ADAMTS7: variants seen among roughly 807,000 people sequenced by gnomAD.
ADAMTS7 encodes ADAM metallopeptidase with thrombospondin type 1 motif 7.
Under a neutral mutation model 172.6 loss-of-function variants are expected in ADAMTS7, and 89 were observed. The observed-to-expected ratio is 0.52, with a 90% confidence interval of 0.43 to 0.61. The LOEUF is 0.61. Ranked by LOEUF, ADAMTS7 falls within the 20% of genes least tolerant of loss-of-function variation. ADAMTS7 has a pLI of 0.00. For synonymous variants in ADAMTS7, 885 were observed against 978.4 expected (o/e 0.90, Z 1.78); for missense variants, 1,973 against 2,355.6 (o/e 0.84, Z 3.36).
At chr15:78,802,157 A>G (rs1196978634) in intron 1 of ADAMTS7, among the ~76,000 whole-genome samples, 2 of 152,126 alleles carry the variant, frequency 1.3e-5, no homozygotes, top group Non-Finnish European at 2.9e-5. Context: ...TTTGTTAAAG[A>G]TTTAAGTGTT....
intron 3 of ADAMTS7, among the ~76,000 whole-genome samples, chr15:78,797,179 C>T (rs1596198067): frequency 6.6e-6 from 1 of 152,346 alleles, no homozygotes; most frequent in East Asian, 1.9e-4. Flanking sequence ...TGCATCCCAA[C>T]ACAGGCTGAC....
At position 78,768,155 on chromosome 15, in the gene ADAMTS7, T is replaced by A. The variant is rs1199290064; in HGVS notation, c.2623A>T (p.Ser875Cys). 6.2e-7 allele frequency: 1 copy of A among 1,603,022 alleles called. No homozygotes were observed. The highest frequency in any genetic ancestry group is 2.2e-5 in the East Asian group (1 of 44,560). The change falls in exon 17 of 24, where the codon AGC becomes TGC. Residue 875 changes from serine (S) to cysteine (C), a missense_variant. Around this residue, in one of 8 missense-constraint regions of ADAMTS7, gnomAD observed 771 missense variants for 952.6 expected, o/e 0.81. Transcript: ENST00000388820. ...GRPDDQQRKC[S>C]EQPCPARWWA... ...CACCTGGCAGGGCAGGGCTGCTCGC[T>A]GCACTTCCTCTGTTGGTCATCAGGC...
At chr15:78,807,018 C>T (rs1368083907) in intron 1 of ADAMTS7, among the ~76,000 whole-genome samples, 2 of 152,250 alleles carry the variant, frequency 1.3e-5, no homozygotes, top group Non-Finnish European at 2.9e-5. Context: ...CCACCCGCCT[C>T]AGCCTCCCAA....
chr15:78,809,892 T>TAAGA (rs2055842419), intron 1 of ADAMTS7, among the ~76,000 whole-genome samples: 1 of 152,230 alleles, frequency 6.6e-6, no homozygotes, highest in African/African-American at 2.4e-5. Context: ...TGATGAGAAA[T>TAAGA]AAGAACCCGT....
intron 8 of ADAMTS7, 133 bp from the exon 9 acceptor site, chr15:78,777,721 C>T: frequency 8.4e-7 from 1 of 1,193,606 alleles, no homozygotes; most frequent in South Asian, 1.6e-5. Flanking sequence ...TCCAGCCTCC[C>T]CGCTCGGCTC....
chr15:78,787,582 T>G (rs1404995953), intron 8 of ADAMTS7, among the ~76,000 whole-genome samples: 4 of 152,184 alleles, frequency 2.6e-5, no homozygotes, highest in Admixed American at 6.5e-5. Context: ...GAGAATCGCT[T>G]GAACCCGGGA....
chr15:78,759,677 C>T (rs2055010784), intron 23 of ADAMTS7, 99 bp from the exon 24 acceptor site: 2 of 1,343,604 alleles, frequency 1.5e-6, no homozygotes, highest in African/African-American at 1.5e-5. Context: ...CAGCAGCTCC[C>T]CACCAAGCAG....
intron 23 of ADAMTS7, among the ~76,000 whole-genome samples, chr15:78,760,231 T>C (rs2055021344): frequency 6.6e-6 from 1 of 152,182 alleles, no homozygotes; most frequent in African/African-American, 2.4e-5. Flanking sequence ...CAGGCTGTGC[T>C]TGTCAGGGCT....
chr15:78,759,818 G>A (rs567086545), intron 23 of ADAMTS7, among the ~76,000 whole-genome samples: 115 of 152,292 alleles, frequency 7.6e-4, no homozygotes, highest in African/African-American at 2.6e-3. Flanking sequence ...GTTTCTGGAG[G>A]AAAGGTCCTG....
rs769031662 is a variant in ADAMTS7 at position 78,768,147 on chromosome 15, C to A, written c.2631G>T (p.Gln877His). The A allele has an allele frequency of 1.4e-5, 22 of 1,578,630 alleles. No homozygotes were observed. The highest frequency in any genetic ancestry group is 1.6e-5 in the Non-Finnish European group (19 of 1,165,294). ...PDDQQRKCSE[Q>H]PCPARWWAGE... The stretch of plus-strand genomic sequence containing the variant: ...GGCGGGCTCACCTGGCAGGGCAGGG[C>A]TGCTCGCTGCACTTCCTCTGTTGGT... The change falls in exon 17 of 24, where the codon CAG becomes CAT. Residue 877 changes from glutamine (Q) to histidine (H), a missense_variant. Physicochemically the swap from Gln to His is conservative, Grantham distance 24. Around this residue, in one of 8 missense-constraint regions of ADAMTS7, gnomAD observed 771 missense variants for 952.6 expected, o/e 0.81. Coordinates refer to ENST00000388820, the MANE Select transcript of ADAMTS7 (RefSeq NM_014272.5).
At position 78,808,152 on chromosome 15, in the gene ADAMTS7, G is replaced by C. The variant is rs140096721; in HGVS notation, c.100+2969C>G. Among the ~76,000 whole-genome samples the C allele has an allele frequency of 1.2e-3, 180 of 152,058 alleles. 2 individuals are homozygous for C. Among genetic ancestry groups the C allele is most frequent in the Non-Finnish European group, 2.1e-3 (144 of 67,984 alleles). On this transcript the variant is annotated intron_variant, in intron 1 of 23. Transcript: ENST00000388820. ...ATTACAGGTGTGAATCACTGTGTCT[G>C]GTCTAAAACATGTTTTTCAATCAAC...
intron 1 of ADAMTS7, among the ~76,000 whole-genome samples, chr15:78,808,349 G>A (rs188093945): frequency 6.6e-6 from 1 of 152,104 alleles, no homozygotes; most frequent in African/African-American, 2.4e-5. Context: ...CAATTCTCAT[G>A]CCTCAGCCTT....
intron 1 of ADAMTS7, among the ~76,000 whole-genome samples, chr15:78,804,747 T>C (rs1359904058): frequency 6.6e-6 from 1 of 152,180 alleles, no homozygotes; most frequent in African/African-American, 2.4e-5. Context: ...CAACGTGCTG[T>C]GTGGCTCTGA....
chr15:78,772,289 T>C (rs2055264120), intron 14 of ADAMTS7, among the ~76,000 whole-genome samples: 1 of 152,222 alleles, frequency 6.6e-6, no homozygotes, highest in Non-Finnish European at 1.5e-5. Flanking sequence ...GTACTATTGT[T>C]ATCCCCATTT....
intron 11 of ADAMTS7, among the ~76,000 whole-genome samples, chr15:78,775,215 T>C (rs1164416050): frequency 6.6e-6 from 1 of 152,196 alleles, no homozygotes; most frequent in African/African-American, 2.4e-5. Flanking sequence ...TAACGAGCCC[T>C]TGAGTCCTCA....
At position 78,762,413 on chromosome 15, in the gene ADAMTS7, G is replaced by C. The variant is rs188240843; in HGVS notation, c.4893C>G (p.Val1631=). Residue 1631 remains valine (V), a synonymous_variant, in exon 23 of 24, where the codon GTC becomes GTG. Transcript: ENST00000388820. ...GGTCAGGGGACTCACGGGGAGGCTC[G>C]ACGGGCTCACAATCCTCGGTGCCAC... The part of the protein sequence containing the change: ...RPCGTEDCEP[V]EPPRCERDRL... 40 of 1,482,694 alleles carry C rather than the reference G, an allele frequency of 2.7e-5. No homozygotes were observed. Among genetic ancestry groups the C allele is most frequent in the African/African-American group, 1.1e-4 (8 of 69,872 alleles). 91.8% of individuals were successfully genotyped at this position (1,482,694 alleles called of 1,614,324 possible). A position where few individuals can be genotyped will look rare whatever the true frequency, so the allele number is the denominator to read the frequency against.
In ADAMTS7 at chr15:78,759,576, A is replaced by G. The variant is rs942246949; in HGVS notation, c.4906T>C (p.Cys1636Arg). ...EDCEPVEPPR[C>R]ERDRLSFGFC... ...CCGAAGGACAGGCGGTCCCGCTCACAGCCTGGAGTGGGGGGGCAGAGAGGC... is the reference window on the plus strand; with the variant it reads ...CCGAAGGACAGGCGGTCCCGCTCACGGCCTGGAGTGGGGGGGCAGAGAGGC... Residue 1636 changes from cysteine to arginine, a missense_variant and splice_region_variant, in exon 24 of 24, where the codon TGT (cysteine) becomes CGT (arginine). By Grantham distance (180) the Cys-to-Arg change is radical. Around this residue, in one of 8 missense-constraint regions of ADAMTS7, gnomAD observed 94 missense variants for 95.4 expected, o/e 0.99. Coordinates refer to ENST00000388820, the MANE Select transcript of ADAMTS7 (RefSeq NM_014272.5). 28 of 1,581,346 alleles carry G rather than the reference A, an allele frequency of 1.8e-5. No individual in the cohort carries two copies. Among genetic ancestry groups the G allele is most frequent in the African/African-American group, 2.7e-5 (2 of 74,304 alleles).
Position 78,791,138 on chromosome 15 carries a change from ACCT to A in ADAMTS7, c.902_903+1del, listed in dbSNP as rs1255768153. ...GCAGCGTGGGACCACATGACCACTC[ACCT>A]CCTCATCTTCCAGCAGGACCAGGCG... On this transcript the variant is annotated splice_donor_variant and coding_sequence_variant, in exon 5 of 24. Transcript: ENST00000388820. LOFTEE classifies it high-confidence loss of function. 3 of 1,612,416 alleles carry A rather than the reference ACCT, an allele frequency of 1.9e-6. No individual in the cohort carries two copies. Among genetic ancestry groups the A allele is most frequent in the Non-Finnish European group, 2.5e-6 (3 of 1,179,204 alleles).
In ADAMTS7 at chr15:78,803,765, T is replaced by C. The variant is rs527714451; in HGVS notation, c.101-3218A>G. On this transcript the variant is annotated intron_variant, in intron 1 of 23. Coordinates refer to ENST00000388820, the MANE Select transcript of ADAMTS7 (RefSeq NM_014272.5). ...ACTGTGCCTGGCAACTATGGATATT[T>C]TGAAGTAGTGATGAACGTAAACCTT... Among the ~76,000 whole-genome samples, 34 of 152,306 alleles carry C rather than the reference T, an allele frequency of 2.2e-4. 1 individual carries two copies. Among genetic ancestry groups the C allele is most frequent in the Non-Finnish European group, 3.5e-4 (24 of 68,020 alleles).
Sources: allele counts gnomAD v4.1 joint callset (sites outside exome capture counted in the v4.1 genomes callset), GRCh38; gene constraint gnomAD v4.1.1; regional missense constraint gnomAD v4.1.1; transcripts MANE v1.5; gene names NCBI Gene and HGNC (gene_info 2026-07-23, HGNC 2026-07-21).